ZNF592: variants seen among roughly 807,000 people sequenced by gnomAD.
ZNF592 encodes spinocerebellar ataxia, autosomal recessive 5.
A neutral mutation model predicts 80.3 loss-of-function variants in ZNF592; 11 were observed. The observed-to-expected ratio is 0.14, with a 90% CI of 0.09 to 0.23. ZNF592 has a LOEUF of 0.23. Among genes scored for constraint, ZNF592 ranks in the 10% least tolerant of loss-of-function variants. ZNF592 has a pLI of 1.00. For synonymous variants in ZNF592, 646 were observed against 640.3 expected, an observed-to-expected ratio of 1.01 and a Z score of -0.13; for missense variants, 1,420 against 1,633.9, an observed-to-expected ratio of 0.87 and a Z score of 2.26.
chr15:84,799,048 G>A lies in ZNF592; in HGVS notation c.3025-50G>A. The A allele has an allele frequency of 6.2e-7, 1 of 1,610,108 alleles. No individual in the cohort carries two copies. Among genetic ancestry groups the A allele is most frequent in the Non-Finnish European group, 8.5e-7 (1 of 1,176,394 alleles). On this transcript the variant is annotated intron_variant, in intron 8 of 10. Transcript: ENST00000560079. The surrounding 1 kb of genome is among the most constrained non-coding windows in gnomAD (Gnocchi z 4.2). ...GCATCTGAGAAGAAAAATGCACCCA[G>A]AACTATCTTACAGTTCTGATGCTTT...
chr15:84,794,460 C>T (rs908646495), intron 5 of ZNF592, among the ~76,000 whole-genome samples: 2 of 151,512 alleles, frequency 1.3e-5, no homozygotes, highest in African/African-American at 4.8e-5. Context: ...CGGTGTTGAT[C>T]ATGTGCTTAT....
intron 10 of ZNF592, 90 bp from the exon 11 acceptor site, chr15:84,801,773 C>A: frequency 6.3e-7 from 1 of 1,599,932 alleles, no homozygotes; most frequent in Non-Finnish European, 8.6e-7. Context: ...CTGGGTGGTG[C>A]TTTCTTTGAG....
In ZNF592 at chr15:84,799,124, G is replaced by C. The variant is rs1963019006; in HGVS notation, c.3051G>C (p.Gln1017His). Reference sequence around the variant, plus strand: ...CATTGAAGCGGTACCCATGCCGGCAGTGTGAACAGTCCTTCCACACCCCCA... The same window carrying C: ...CATTGAAGCGGTACCCATGCCGGCACTGTGAACAGTCCTTCCACACCCCCA... ...GRTLKRYPCRQCEQSFHTPNS... is the reference protein window; with the variant it reads ...GRTLKRYPCRHCEQSFHTPNS... Residue 1017 changes from glutamine to histidine, a missense_variant, in exon 9 of 11, where the codon CAG (glutamine) becomes CAC (histidine). Physicochemically the swap from Gln to His is conservative, Grantham distance 24. Around this residue, in one of 7 missense-constraint regions of ZNF592, gnomAD observed 331 missense variants for 347.0 expected, o/e 0.95. Coordinates refer to ENST00000560079, the MANE Select transcript of ZNF592 (RefSeq NM_014630.3). The surrounding 1 kb of genome is among the most constrained non-coding windows in gnomAD (Gnocchi z 4.2). 2 of 1,614,226 alleles carry C rather than the reference G, an allele frequency of 1.2e-6. No individual in the cohort carries two copies. The highest frequency in any genetic ancestry group is 1.7e-5 in the Admixed American group (1 of 60,028).
At chr15:84,796,395 T>G (rs189462394) in intron 5 of ZNF592, among the ~76,000 whole-genome samples, 19 of 150,822 alleles carry the variant, frequency 1.3e-4, no homozygotes, top group African/African-American at 4.6e-4. Flanking sequence ...CCTATGGGGA[T>G]GTCAATAATA....
intron 1 of ZNF592, among the ~76,000 whole-genome samples, chr15:84,754,805 G>T (rs1899119109): frequency 6.6e-6 from 1 of 151,952 alleles, no homozygotes; most frequent in African/African-American, 2.4e-5. Context: ...GTGATAGATT[G>T]TAGAACGACT....
At chr15:84,781,820 G>A (rs1962428331) in intron 3 of ZNF592, among the ~76,000 whole-genome samples, 1 of 152,198 alleles carries the variant, frequency 6.6e-6, no homozygotes. Flanking sequence ...CTAGGGCCTT[G>A]TGTTTCCTCT....
At chr15:84,756,821 A>T (rs1036090568) in intron 1 of ZNF592, among the ~76,000 whole-genome samples, 4 of 151,632 alleles carry the variant, frequency 2.6e-5, no homozygotes, top group African/African-American at 7.3e-5. Context: ...CCCTTTAAAA[A>T]TTTTTTTTTG....
chr15:84,782,670 C>T lies in ZNF592; in HGVS notation c.-6C>T. The T allele has an allele frequency of 6.2e-7, 1 of 1,614,044 alleles. No homozygotes were observed. Among genetic ancestry groups the T allele is most frequent in the Middle Eastern group, 1.7e-4 (1 of 6,044 alleles). On this transcript the variant is annotated 5_prime_UTR_variant, in exon 4 of 11. Transcript: ENST00000560079. ...TTTCTGTTACAGCCCTTGCCAGCATCCAGCCATGGGGGATATGAAAACCCC... is the reference window on the plus strand; with the variant it reads ...TTTCTGTTACAGCCCTTGCCAGCATTCAGCCATGGGGGATATGAAAACCCC...
In ZNF592 at chr15:84,783,746, C is replaced by T; in HGVS notation, c.1071C>T (p.Ser357=). Residue 357 remains serine (S), a synonymous_variant, in exon 4 of 11, where the codon AGC becomes AGT. Transcript: ENST00000560079. The surrounding 1 kb of genome is among the most constrained non-coding windows in gnomAD (Gnocchi z 5.0). Reference sequence around the variant, plus strand: ...CTCGTAGCATCTGCAGTGACAGCAGCAGCAAAGGCTCACCGTCTGTGGCTG... The same window carrying T: ...CTCGTAGCATCTGCAGTGACAGCAGTAGCAAAGGCTCACCGTCTGTGGCTG... ...DSPRSICSDS[S]SKGSPSVAAS... The T allele has an allele frequency of 6.2e-7, 1 of 1,614,234 alleles. No individual in the cohort carries two copies. The highest frequency in any genetic ancestry group is 2.2e-5 in the East Asian group (1 of 44,876).
At chr15:84,793,974 T>G (rs1364750456) in intron 5 of ZNF592, among the ~76,000 whole-genome samples, 1 of 152,206 alleles carries the variant, frequency 6.6e-6, no homozygotes, top group Non-Finnish European at 1.5e-5. Flanking sequence ...TGAAGAACAT[T>G]CATGTACAAG....
intron 2 of ZNF592, among the ~76,000 whole-genome samples, chr15:84,774,628 A>C (rs1318563815): frequency 6.6e-6 from 1 of 152,194 alleles, no homozygotes; most frequent in Admixed American, 6.5e-5. Context: ...ATGCACACAG[A>C]CAACATACAT....
At chr15:84,781,372 C>T (rs995595301) in intron 3 of ZNF592, among the ~76,000 whole-genome samples, 6 of 151,352 alleles carry the variant, frequency 4.0e-5, no homozygotes, top group South Asian at 2.1e-4. Context: ...TTAATGACTG[C>T]GTTATAGTCT....
In ZNF592 at chr15:84,805,978, A is replaced by G. The variant is rs893935742; in HGVS notation, c.*3585A>G. Reference sequence around the variant, plus strand: ...ATACAAATAGTAGAATTCTATACACAGTGTTCTGAAGCTTGCTTTCTTATA... The same window carrying G: ...ATACAAATAGTAGAATTCTATACACGGTGTTCTGAAGCTTGCTTTCTTATA... On this transcript the variant is annotated 3_prime_UTR_variant, in exon 11 of 11. Coordinates refer to ENST00000560079, the MANE Select transcript of ZNF592 (RefSeq NM_014630.3). 4 of 152,644 alleles carry G rather than the reference A, an allele frequency of 2.6e-5. No homozygotes were observed. The highest frequency in any genetic ancestry group is 9.6e-5 in the African/African-American group (4 of 41,456). 9.5% of individuals were successfully genotyped at this position (152,644 alleles called of 1,614,324 possible). A position where few individuals can be genotyped will look rare whatever the true frequency, so the allele number is the denominator to read the frequency against.
At chr15:84,780,713 G>T (rs1403344090) in intron 3 of ZNF592, among the ~76,000 whole-genome samples, 2 of 152,116 alleles carry the variant, frequency 1.3e-5, no homozygotes, top group African/African-American at 4.8e-5. Flanking sequence ...GATCCCACGG[G>T]GTGGTAAGAG....
At chr15:84,763,837 T>C (rs1899421001) in intron 1 of ZNF592, among the ~76,000 whole-genome samples, 1 of 152,180 alleles carries the variant, frequency 6.6e-6, no homozygotes, top group Non-Finnish European at 1.5e-5. Flanking sequence ...TGTGGGTATA[T>C]GTAGTTGATG....
chr15:84,761,746 C>T (rs908670990), intron 1 of ZNF592, among the ~76,000 whole-genome samples: 1 of 152,196 alleles, frequency 6.6e-6, no homozygotes, highest in Non-Finnish European at 1.5e-5. Flanking sequence ...TGTCTGAGTA[C>T]AGCTGTCAGT....
At position 84,805,868 on chromosome 15, in the gene ZNF592, T is replaced by C. The variant is rs531632283; in HGVS notation, c.*3475T>C. 2 of 152,762 alleles carry C rather than the reference T, an allele frequency of 1.3e-5. No homozygotes were observed. Among genetic ancestry groups the C allele is most frequent in the South Asian group, 4.1e-4 (2 of 4,832 alleles). 9.5% of individuals were successfully genotyped at this position (152,762 alleles called of 1,614,324 possible). On this transcript the variant is annotated 3_prime_UTR_variant, in exon 11 of 11. Transcript: ENST00000560079. ...TAGTCCCCTCTCCAGAGTTAATCAC[T>C]GTTATCTATATGTTGTGTATCCTTT...
chr15:84,802,597 A>T lies in ZNF592; in HGVS notation c.*204A>T. The T allele has an allele frequency of 1.6e-6, 1 of 624,776 alleles. No individual in the cohort carries two copies. Among genetic ancestry groups the T allele is most frequent in the Non-Finnish European group, 2.8e-6 (1 of 358,372 alleles). 38.7% of individuals were successfully genotyped at this position (624,776 alleles called of 1,614,324 possible). A position where few individuals can be genotyped will look rare whatever the true frequency, so the allele number is the denominator to read the frequency against. Reference sequence around the variant, plus strand: ...TCGGCCAGGACCCTCACAGCTCTGAATTTGCTTCTGTTATTTATGGCTTTT... The same window carrying T: ...TCGGCCAGGACCCTCACAGCTCTGATTTTGCTTCTGTTATTTATGGCTTTT... On this transcript the variant is annotated 3_prime_UTR_variant, in exon 11 of 11. Transcript: ENST00000560079.
chr15:84,781,088 C>A (rs1466727483), intron 3 of ZNF592, among the ~76,000 whole-genome samples: 1 of 151,992 alleles, frequency 6.6e-6, no homozygotes, highest in Non-Finnish European at 1.5e-5. Flanking sequence ...CTCACTCTGT[C>A]GCCCAGGCTG....
Sources: gnomAD v4.1 joint callset for allele counts (sites outside exome capture counted in the v4.1 genomes callset) on GRCh38, gnomAD v4.1.1 for gene constraint, gnomAD v4.1.1 regional missense constraint, Gnocchi (gnomAD v3.1) non-coding constraint, MANE v1.5 for transcripts, NCBI Gene and HGNC (gene_info 2026-07-23, HGNC 2026-07-21) for gene names.